MAGI2: variants seen among roughly 807,000 people sequenced by gnomAD.
MAGI2 encodes the protein membrane-associated guanylate kinase, WW and PDZ domain-containing protein 2.
A neutral mutation model predicts 133.3 loss-of-function variants in MAGI2; 35 were observed. The ratio of observed to expected loss-of-function variants is 0.26; its 90% CI spans 0.20 to 0.35. The LOEUF (loss-of-function observed/expected upper bound fraction) is 0.35, where lower values mean the gene tolerates loss of function less well. MAGI2 is among the 10% of genes least tolerant of loss of function. The pLI is 1.00. For missense variants in MAGI2, 1,636 were observed against 1,863.4 expected (o/e 0.88, Z 2.25); for synonymous variants, 729 against 710.6 (o/e 1.03, Z -0.41).
At chr7:78,622,384 G>A (rs1046396025) in intron 3 of MAGI2, among the ~76,000 whole-genome samples, 1 of 152,038 alleles carries the variant, frequency 6.6e-6, no homozygotes, top group African/African-American at 2.4e-5. Flanking sequence ...GACTGCAGTA[G>A]GCGAGGAGGA....
intron 6 of MAGI2, among the ~76,000 whole-genome samples, chr7:78,370,838 T>C (rs1359534011): frequency 6.6e-6 from 1 of 151,992 alleles, no homozygotes; most frequent in Middle Eastern, 3.2e-3. Flanking sequence ...TAATTGAACA[T>C]ATGAGTATTT....
chr7:78,394,405 C>A (rs942053435), intron 6 of MAGI2, among the ~76,000 whole-genome samples: 1 of 152,162 alleles, frequency 6.6e-6, no homozygotes, highest in Non-Finnish European at 1.5e-5. Flanking sequence ...TCTGCCATGA[C>A]CTGCCATGGT....
At chr7:79,130,900 A>AATTCATTCATTC (rs10555338) in intron 1 of MAGI2, among the ~76,000 whole-genome samples, 3 of 150,590 alleles carry the variant, frequency 2.0e-5, no homozygotes, top group African/African-American at 7.3e-5. Context: ...GAAAGTCACC[A>AATTCATTCATTC]ATTCATTCAT....
intron 9 of MAGI2, among the ~76,000 whole-genome samples, chr7:78,316,886 G>A (rs1292988762): frequency 6.6e-6 from 1 of 152,064 alleles, no homozygotes; most frequent in Non-Finnish European, 1.5e-5. Flanking sequence ...TTTGCCAAGT[G>A]TTTTTTTCTC....
chr7:78,776,400 G>A (rs1264049692), intron 2 of MAGI2, among the ~76,000 whole-genome samples: 1 of 152,098 alleles, frequency 6.6e-6, no homozygotes, highest in African/African-American at 2.4e-5. Flanking sequence ...CTTTATAATT[G>A]ATCCATAGTA....
intron 1 of MAGI2, among the ~76,000 whole-genome samples, chr7:79,034,851 T>A (rs960877562): frequency 6.6e-6 from 1 of 152,112 alleles, no homozygotes; most frequent in Non-Finnish European, 1.5e-5. Flanking sequence ...CAATAACAAC[T>A]GGCAGCTTTC....
chr7:78,657,374 A>G (rs1436425346), intron 2 of MAGI2, among the ~76,000 whole-genome samples: 1 of 152,222 alleles, frequency 6.6e-6, no homozygotes, highest in African/African-American at 2.4e-5. Context: ...CTGCATGTGG[A>G]TGTTTGTAGA....
intron 5 of MAGI2, among the ~76,000 whole-genome samples, chr7:78,494,731 C>A (rs1793931681): frequency 6.6e-6 from 1 of 152,058 alleles, no homozygotes; most frequent in Non-Finnish European, 1.5e-5. Flanking sequence ...CTGAAATTTT[C>A]TTAGTGAAAT....
chr7:78,993,071 G>A (rs139251228), intron 2 of MAGI2, among the ~76,000 whole-genome samples: 1 of 152,012 alleles, frequency 6.6e-6, no homozygotes, highest in African/African-American at 2.4e-5. Flanking sequence ...AATAAAAAAT[G>A]AACAAAAACT....
chr7:78,835,697 G>A (rs1791561938), intron 2 of MAGI2, among the ~76,000 whole-genome samples: 1 of 152,200 alleles, frequency 6.6e-6, no homozygotes, highest in African/African-American at 2.4e-5. Context: ...CTCCCAGGAA[G>A]GAGACGTTAG....
rs77039220 is a variant in MAGI2, at chr7:79,097,113, G to A, written c.302-89907C>T. Among the ~76,000 whole-genome samples the A allele has an allele frequency of 5.5e-4, 83 of 152,098 alleles. 1 individual carries two copies. The East Asian group carries it at 0.015, about 28-fold the overall frequency. ...TATTATTAGCTAATCCTCACTGAAG[G>A]CTTTCAATATGCCAGTTACTGTTTT... On this transcript the variant is annotated intron_variant, in intron 1 of 21. Coordinates refer to ENST00000354212, the MANE Select transcript of MAGI2 (RefSeq NM_012301.4).
At chr7:79,021,166 G>A (rs1359720480) in intron 1 of MAGI2, among the ~76,000 whole-genome samples, 1 of 152,356 alleles carries the variant, frequency 6.6e-6, no homozygotes, top group Non-Finnish European at 1.5e-5. Context: ...TGGATGTCTA[G>A]GCAGAAGTCT....
chr7:78,119,075 A>G (rs963808267), intron 20 of MAGI2, among the ~76,000 whole-genome samples: 3 of 152,266 alleles, frequency 2.0e-5, no homozygotes, highest in Non-Finnish European at 4.4e-5. Flanking sequence ...TACATACTGT[A>G]TGATTCCAAC....
intron 1 of MAGI2, among the ~76,000 whole-genome samples, chr7:79,187,319 A>G (rs961972012): frequency 6.6e-5 from 10 of 151,828 alleles, no homozygotes; most frequent in African/African-American, 2.4e-4. Flanking sequence ...TTCTTCAAAA[A>G]GTAGTCAGTT....
chr7:78,554,004 A>G (rs918432437), intron 3 of MAGI2, among the ~76,000 whole-genome samples: 4 of 152,158 alleles, frequency 2.6e-5, no homozygotes, highest in African/African-American at 9.7e-5. Context: ...TCTGTTGGTT[A>G]TATGTATTTT....
At chr7:78,612,027 A>T (rs1806504085) in intron 3 of MAGI2, among the ~76,000 whole-genome samples, 1 of 152,214 alleles carries the variant, frequency 6.6e-6, no homozygotes, top group African/African-American at 2.4e-5. Flanking sequence ...TTTTGAGGCA[A>T]ACATGATCTA....
intron 9 of MAGI2, among the ~76,000 whole-genome samples, chr7:78,338,773 T>G (rs1790040288): frequency 6.6e-6 from 1 of 152,218 alleles, no homozygotes; most frequent in East Asian, 1.9e-4. Flanking sequence ...GATTAAACTC[T>G]TTTCCAATGA....
intron 1 of MAGI2, among the ~76,000 whole-genome samples, chr7:79,302,810 C>T (rs2129559837): frequency 6.6e-6 from 1 of 152,266 alleles, no homozygotes; most frequent in East Asian, 1.9e-4. Context: ...AACATGGCTA[C>T]ACTACTTTTG....
intron 2 of MAGI2, among the ~76,000 whole-genome samples, chr7:78,962,509 GT>G (rs1554313141): frequency 0.027 from 3,668 of 137,536 alleles, 138 homozygotes; most frequent in African/African-American, 0.09. Context: ...CAATGCTTAT[GT>G]TTTTTTTTTT....
Sources: allele counts gnomAD v4.1 joint callset (sites outside exome capture counted in the v4.1 genomes callset), GRCh38; gene constraint gnomAD v4.1.1; transcripts MANE v1.5; gene names NCBI Gene and HGNC (gene_info 2026-07-23, HGNC 2026-07-21).